ZSWIM4: variants seen among roughly 807,000 people sequenced by gnomAD.
The protein encoded by ZSWIM4 is zinc finger SWIM-type containing 4.
A neutral mutation model predicts 102.5 loss-of-function variants in ZSWIM4; 62 were observed. The observed-to-expected ratio is 0.60, with a 90% CI of 0.49 to 0.75. ZSWIM4 has a LOEUF of 0.75. ZSWIM4 is among the 30% of genes least tolerant of loss of function. The probability of loss-of-function intolerance (pLI) is 0.00; values close to 1 mark genes in which losing one functional copy is unlikely to be tolerated. For synonymous variants in ZSWIM4, 652 were observed against 674.5 expected, an observed-to-expected ratio of 0.97 and a Z score of 0.52; for missense variants, 1,280 against 1,529.6, an observed-to-expected ratio of 0.84 and a Z score of 2.72.
Position 13,814,561 on chromosome 19 carries a change from G to T in ZSWIM4, c.1227G>T (p.Thr409=). The change falls in exon 7 of 14, where the codon ACG becomes ACT. Residue 409 remains threonine, a synonymous_variant. Coordinates refer to ENST00000590508, the MANE Select transcript of ZSWIM4 (RefSeq NM_001367834.3). ...EEVAATSPRH[T]VFGRALLAGE... Reference sequence around the variant, plus strand: ...TGGCAGCCACAAGTCCCCGCCACACGGTATTTGGCCGCGCCTTGCTGGCTG... The same window carrying T: ...TGGCAGCCACAAGTCCCCGCCACACTGTATTTGGCCGCGCCTTGCTGGCTG... 1 of 1,160,788 alleles carries T rather than the reference G, an allele frequency of 8.6e-7. No individual in the cohort carries two copies. The highest frequency in any genetic ancestry group is 2.4e-4 in the Middle Eastern group (1 of 4,126). 71.9% of individuals were successfully genotyped at this position (1,160,788 alleles called of 1,614,324 possible).
chr19:13,808,787 A>G lies in ZSWIM4; in HGVS notation c.713-49A>G, dbSNP rs761285983. 6 of 1,506,862 alleles carry G rather than the reference A, an allele frequency of 4.0e-6. No individual in the cohort carries two copies. The Admixed American group carries it at 1.1e-4, about 27-fold the overall frequency. The allele number at this position is 1,506,862 out of a possible 1,614,324, so 93.3% of individuals were successfully genotyped here. A position where few individuals can be genotyped will look rare whatever the true frequency, so the allele number is the denominator to read the frequency against. On this transcript the variant is annotated intron_variant, in intron 3 of 13. Coordinates refer to ENST00000590508, the MANE Select transcript of ZSWIM4 (RefSeq NM_001367834.3). ...GGACAGCTCTCCTCAACCCAACCCA[A>G]CCCCAACTCCAGCCCCAGCCTCAGC...
chr19:13,812,760 A>G (rs1433661750), intron 5 of ZSWIM4, among the ~76,000 whole-genome samples: 1 of 151,480 alleles, frequency 6.6e-6, no homozygotes, highest in Non-Finnish European at 1.5e-5. Flanking sequence ...GTGAGTCATC[A>G]CGCCTGACCC....
intron 13 of ZSWIM4, among the ~76,000 whole-genome samples, chr19:13,829,779 G>C (rs555610847): frequency 1.2e-4 from 18 of 151,688 alleles, no homozygotes; most frequent in African/African-American, 2.9e-4. Flanking sequence ...GAGCCGAGAT[G>C]GTGCCACTGC....
chr19:13,801,671 CT>C (rs755133549), intron 2 of ZSWIM4, among the ~76,000 whole-genome samples: 1,731 of 125,374 alleles, frequency 0.014, 26 homozygotes, highest in African/African-American at 0.05. Flanking sequence ...GTTTAGAATT[CT>C]TTTTTTTTTT....
chr19:13,813,932 A>G (rs1975186563), intron 6 of ZSWIM4, among the ~76,000 whole-genome samples: 3 of 151,456 alleles, frequency 2.0e-5, no homozygotes, highest in South Asian at 4.2e-4. Context: ...AAAAAAAAAA[A>G]AAAGAAAGAA....
intron 5 of ZSWIM4, among the ~76,000 whole-genome samples, chr19:13,810,513 G>T (rs1185580478): frequency 6.6e-6 from 1 of 151,394 alleles, no homozygotes; most frequent in Admixed American, 6.6e-5. Flanking sequence ...GGCTGGTCTC[G>T]AACTCCTGTC....
In ZSWIM4 at chr19:13,828,641, G is replaced by A; in HGVS notation, c.2380-4G>A. The A allele has an allele frequency of 6.2e-7, 1 of 1,613,988 alleles. No homozygotes were observed. The highest frequency in any genetic ancestry group is 1.1e-5 in the South Asian group (1 of 91,084). On this transcript the variant is annotated splice_region_variant and splice_polypyrimidine_tract_variant and intron_variant, in intron 12 of 13. Coordinates refer to ENST00000590508, the MANE Select transcript of ZSWIM4 (RefSeq NM_001367834.3). ...ACCCCCTTCTCCCCACCCCTACCTT[G>A]CAGGTGATGCGGATGACTCTGAACG...
Position 13,804,895 on chromosome 19 carries a change from G to A in ZSWIM4, c.459G>A (p.Val153=), listed in dbSNP as rs965282205. ...TTGATCGCTGCAAGATCACGTCCGT[G>A]AGCTGCGGCTGTGACAACCGCGACC... is the stretch of plus-strand genomic sequence containing the variant. ...ISFDRCKITS[V]SCGCDNRDLF... Residue 153 remains valine (V), a synonymous_variant, in exon 3 of 14, where the codon GTG becomes GTA. Transcript: ENST00000590508. 6.2e-7 allele frequency: 1 copy of A among 1,613,596 alleles called. No homozygotes were observed. Among genetic ancestry groups the A allele is most frequent in the Admixed American group, 1.7e-5 (1 of 60,010 alleles).
chr19:13,800,065 A>ATTTTTTTTTTTTTTTTTT lies in ZSWIM4; in HGVS notation c.355+147_355+164dup, dbSNP rs71170569. ...CGAGGCCCAGATAGGATTGTACAAG[A>ATTTTTTTTTTTTTTTTTT]TTTTTTTTTTTTTTTTTTTTGAGAC... On this transcript the variant is annotated intron_variant, in intron 2 of 13. Transcript: ENST00000590508. 11 of 385,176 alleles carry ATTTTTTTTTTTTTTTTTT rather than the reference A, an allele frequency of 2.9e-5. 1 individual carries two copies. The African/African-American group carries it at 4.1e-4, about 14-fold the overall frequency. 23.9% of individuals were successfully genotyped at this position (385,176 alleles called of 1,614,324 possible). A position where few individuals can be genotyped will look rare whatever the true frequency, so the allele number is the denominator to read the frequency against.
chr19:13,799,319 G>A (rs1974694127), intron 1 of ZSWIM4, among the ~76,000 whole-genome samples: 1 of 146,692 alleles, frequency 6.8e-6, no homozygotes, highest in Non-Finnish European at 1.5e-5. Flanking sequence ...TGTCACCCAG[G>A]CTGGAGTGCA....
At chr19:13,815,310 C>T (rs1975242455) in intron 7 of ZSWIM4, 1 of 152,162 alleles carries the variant, frequency 6.6e-6, no homozygotes, top group Non-Finnish European at 1.5e-5. Context: ...CATGCGCCAC[C>T]ATGCCCGGCT....
At chr19:13,799,029 A>G (rs1974684125) in intron 1 of ZSWIM4, among the ~76,000 whole-genome samples, 1 of 151,742 alleles carries the variant, frequency 6.6e-6, no homozygotes, top group Admixed American at 6.6e-5. Flanking sequence ...ACTCAAGTGC[A>G]CCAACTGCCT....
chr19:13,812,213 G>A (rs1166157576), intron 5 of ZSWIM4, among the ~76,000 whole-genome samples: 1 of 152,204 alleles, frequency 6.6e-6, no homozygotes, highest in East Asian at 1.9e-4. Flanking sequence ...GCATGAGATG[G>A]TGATAAATGC....
chr19:13,807,051 A>C (rs949787785), intron 3 of ZSWIM4, among the ~76,000 whole-genome samples: 1 of 152,004 alleles, frequency 6.6e-6, no homozygotes, highest in Non-Finnish European at 1.5e-5. Context: ...AATAGTTATC[A>C]CCTAGATAAC....
Position 13,825,662 on chromosome 19 carries a change from C to T in ZSWIM4, c.2328C>T (p.Ser776=), listed in dbSNP as rs138263940. 3.8e-5 allele frequency: 62 copies of T among 1,613,134 alleles called. No homozygotes were observed. The African/African-American group carries it at 6.8e-4, about 18-fold the overall frequency. ...CCTGCAAGACAGCCACCCCGGTCAG[C>T]GCCCCACCAGACACCACGCTGCTGG... is the stretch of plus-strand genomic sequence containing the variant. The part of the protein sequence containing the change: ...QDACKTATPV[S]APPDTTLLGI... Residue 776 remains serine (S), a synonymous_variant, in exon 12 of 14, where the codon AGC becomes AGT. Transcript: ENST00000590508. This position sits in a 1 kb window ranked among gnomAD's most constrained non-coding sequence, Gnocchi z 4.6.
At chr19:13,806,538 C>A (rs1974924134) in intron 3 of ZSWIM4, among the ~76,000 whole-genome samples, 1 of 152,084 alleles carries the variant, frequency 6.6e-6, no homozygotes, top group East Asian at 2.0e-4. Context: ...CATGATGGCA[C>A]ACACACGCCT....
At chr19:13,821,084 G>A (rs545682662) in intron 10 of ZSWIM4, among the ~76,000 whole-genome samples, 1 of 152,238 alleles carries the variant, frequency 6.6e-6, no homozygotes, top group South Asian at 2.1e-4. Context: ...ATGAGTTTGA[G>A]ACCAGCCTGG....
At position 13,825,718 on chromosome 19, in the gene ZSWIM4, G is replaced by A; in HGVS notation, c.2379+5G>A. On this transcript the variant is annotated splice_donor_5th_base_variant and intron_variant, in intron 12 of 13. Coordinates refer to ENST00000590508, the MANE Select transcript of ZSWIM4 (RefSeq NM_001367834.3). The surrounding 1 kb of genome is among the most constrained non-coding windows in gnomAD (Gnocchi z 4.6). Reference sequence around the variant, plus strand: ...GCACTGGAGCTGGGGCTGCAGGTGAGGGCTGCCAGGTGGATGCGGGAGGGC... The same window carrying A: ...GCACTGGAGCTGGGGCTGCAGGTGAAGGCTGCCAGGTGGATGCGGGAGGGC... 6.2e-7 allele frequency: 1 copy of A among 1,605,364 alleles called. No individual in the cohort carries two copies. The highest frequency in any genetic ancestry group is 8.5e-7 in the Non-Finnish European group (1 of 1,178,060).
chr19:13,806,236 T>C (rs1207592453), intron 3 of ZSWIM4, among the ~76,000 whole-genome samples: 1 of 151,384 alleles, frequency 6.6e-6, no homozygotes, highest in South Asian at 2.1e-4. Context: ...GAGACAGGGG[T>C]TTCCCCATGT....
Sources: allele counts gnomAD v4.1 joint callset (sites outside exome capture counted in the v4.1 genomes callset), GRCh38; gene constraint gnomAD v4.1.1; non-coding constraint Gnocchi (gnomAD v3.1); transcripts MANE v1.5; gene names NCBI Gene and HGNC (gene_info 2026-07-23, HGNC 2026-07-21).